The following NDUFA12 variants were observed in gnomAD, a reference collection of about 807,000 sequenced individuals.
NDUFA12 encodes the protein NADH:ubiquinone oxidoreductase subunit A12, also known as NADH dehydrogenase [ubiquinone] 1 alpha subcomplex subunit 12.
Under a neutral mutation model 20.3 loss-of-function variants are expected in NDUFA12, and 17 were observed. The observed-to-expected ratio is 0.84, with a 90% CI of 0.57 to 1.26. The LOEUF (loss-of-function observed/expected upper bound fraction) is 1.26. Among genes scored for constraint, NDUFA12 ranks in the 50% most tolerant of loss-of-function variants. NDUFA12 has a pLI of 0.00. For synonymous variants in NDUFA12, 72 were observed against 63.6 expected (o/e 1.13, Z -0.63); for missense variants, 191 against 183.7 (o/e 1.04, Z -0.23).
At chr12:95,002,168 G>C in intron 2 of NDUFA12, among the ~76,000 whole-genome samples, 1 of 151,296 alleles carries the variant, frequency 6.6e-6, no homozygotes, top group South Asian at 2.1e-4. Context: ...AAGGCTGGAC[G>C]CAGTGGCTCA....
intron 3 of NDUFA12, among the ~76,000 whole-genome samples, chr12:94,987,084 G>A (rs372755512): frequency 3.3e-5 from 5 of 151,980 alleles, no homozygotes; most frequent in East Asian, 1.9e-4. Flanking sequence ...GGAGAAAACC[G>A]GCAGACCCCT....
intron 3 of NDUFA12, among the ~76,000 whole-genome samples, chr12:94,992,000 AT>A (rs1874662857): frequency 6.6e-6 from 1 of 152,180 alleles, no homozygotes; most frequent in Non-Finnish European, 1.5e-5. Context: ...ATACACTGAG[AT>A]TATCCCACTT....
intron 3 of NDUFA12, among the ~76,000 whole-genome samples, chr12:94,982,890 T>C (rs1389105181): frequency 6.6e-6 from 1 of 152,194 alleles, no homozygotes; most frequent in African/African-American, 2.4e-5. Flanking sequence ...GGCATTTAAC[T>C]GAAGGTCATA....
intron 3 of NDUFA12, among the ~76,000 whole-genome samples, chr12:94,987,663 T>C (rs983176703): frequency 1.3e-5 from 2 of 151,842 alleles, no homozygotes; most frequent in Non-Finnish European, 2.9e-5. Context: ...TCGCCAGGTG[T>C]AGTGGCACAT....
intron 3 of NDUFA12, among the ~76,000 whole-genome samples, chr12:94,983,406 AG>A (rs1565814815): frequency 6.6e-6 from 1 of 152,210 alleles, no homozygotes; most frequent in Non-Finnish European, 1.5e-5. Context: ...GGTCTGGGGA[AG>A]CCAGACGCCA....
At chr12:94,984,727 CAACAAAAAA>C (rs1874356387) in intron 3 of NDUFA12, among the ~76,000 whole-genome samples, 1 of 110,664 alleles carries the variant, frequency 9.0e-6, no homozygotes, top group Non-Finnish European at 1.7e-5. Context: ...AAAAAAAAAA[CAACAAAAAA>C]CCCATATATA....
chr12:94,974,127 A>G lies in NDUFA12; in HGVS notation c.258-2507T>C, dbSNP rs577708156. ...GCTGGGATTACAGGCGCATGCCATC[A>G]TGCCGGGCTAATTTTTTTATTTTTA... is the stretch of plus-strand genomic sequence containing the variant. On this transcript the variant is annotated intron_variant, in intron 3 of 3. Transcript: ENST00000327772. 1.0e-3 allele frequency among the ~76,000 whole-genome samples: 155 copies of G among 152,074 alleles called. 2 individuals carry two copies. Among genetic ancestry groups the G allele is most frequent in the African/African-American group, 2.7e-3 (112 of 41,474 alleles).
At chr12:94,982,215 C>CAGTT (rs1874264796) in intron 3 of NDUFA12, among the ~76,000 whole-genome samples, 1 of 151,998 alleles carries the variant, frequency 6.6e-6, no homozygotes, top group South Asian at 2.1e-4. Context: ...GGAGTCTGTG[C>CAGTT]AGTTGTTCAT....
At chr12:94,979,552 G>A (rs1026922067) in intron 3 of NDUFA12, among the ~76,000 whole-genome samples, 4 of 151,930 alleles carry the variant, frequency 2.6e-5, no homozygotes, top group Admixed American at 2.0e-4. Context: ...AAAAAGGGAC[G>A]GGGTGAGGTG....
chr12:95,000,879 C>T (rs1358092506), intron 2 of NDUFA12, among the ~76,000 whole-genome samples: 2 of 152,094 alleles, frequency 1.3e-5, no homozygotes, highest in Non-Finnish European at 2.9e-5. Context: ...CAACGTATTC[C>T]AAAACACGTA....
At chr12:94,997,567 T>C (rs1874877982) in intron 2 of NDUFA12, 1 of 152,138 alleles carries the variant, frequency 6.6e-6, no homozygotes, top group African/African-American at 2.4e-5. Context: ...CAAATGCACA[T>C]GGGAGAAAAT....
At chr12:94,993,624 CAAAAAAAAAAAAA>C (rs61481976) in intron 3 of NDUFA12, among the ~76,000 whole-genome samples, 1 of 11,354 alleles carries the variant, frequency 8.8e-5, no homozygotes, top group African/African-American at 3.6e-4. Context: ...GACTCTGTCT[CAAAAAAAAAAAAA>C]AAAAAAAAAA....
In NDUFA12 at chr12:94,984,736, A is replaced by AAAAAAAAAAAAAAAAAC. The variant is rs36013656; in HGVS notation, c.257+9433_257+9434insGTTTTTTTTTTTTTTTT. 1.1e-4 allele frequency among the ~76,000 whole-genome samples: 8 copies of AAAAAAAAAAAAAAAAAC among 74,162 alleles called. 3 individuals carry two copies. Among genetic ancestry groups the AAAAAAAAAAAAAAAAAC allele is most frequent in the Non-Finnish European group, 1.7e-4 (7 of 41,762 alleles). 48.7% of individuals were successfully genotyped at this position (74,162 alleles called of 152,430 possible). A position where few individuals can be genotyped will look rare whatever the true frequency, so the allele number is the denominator to read the frequency against. ...AGCCAAAAAAAAAAAACAACAAAAAACCCATATATATATAATATATATATA... is the reference window on the plus strand; with the variant it reads ...AGCCAAAAAAAAAAAACAACAAAAAAAAAAAAAAAAAAAAAACCCCATATATATATAATATATATATA... On this transcript the variant is annotated intron_variant, in intron 3 of 3. Transcript: ENST00000327772.
chr12:94,993,849 G>A (rs996658438), intron 3 of NDUFA12, among the ~76,000 whole-genome samples: 4 of 151,960 alleles, frequency 2.6e-5, no homozygotes, highest in African/African-American at 9.7e-5. Flanking sequence ...CAGGAGAATC[G>A]CTTGAACCTA....
intron 3 of NDUFA12, among the ~76,000 whole-genome samples, chr12:94,976,561 T>C (rs566310729): frequency 6.6e-6 from 1 of 152,366 alleles, no homozygotes; most frequent in South Asian, 2.1e-4. Flanking sequence ...TTCATTCATG[T>C]GGATTCAACA....
chr12:94,985,628 A>G (rs1192676664), intron 3 of NDUFA12, among the ~76,000 whole-genome samples: 2 of 147,768 alleles, frequency 1.4e-5, no homozygotes. Context: ...CTCCATCTCA[A>G]AAAAAAAAAA....
intron 2 of NDUFA12, among the ~76,000 whole-genome samples, chr12:94,998,833 A>G (rs1874924269): frequency 6.6e-6 from 1 of 152,222 alleles, no homozygotes; most frequent in African/African-American, 2.4e-5. Flanking sequence ...GAAATCATAG[A>G]TGACACAAAC....
chr12:94,972,982 G>C (rs867521286), intron 3 of NDUFA12, among the ~76,000 whole-genome samples: 27 of 151,632 alleles, frequency 1.8e-4, no homozygotes, highest in African/African-American at 5.8e-4. Context: ...ACCTTATTGG[G>C]GGAAAAGAAA....
In NDUFA12 at chr12:94,988,893, C is replaced by T. The variant is rs138984728; in HGVS notation, c.257+5277G>A. Among the ~76,000 whole-genome samples, 23 of 152,262 alleles carry T rather than the reference C, an allele frequency of 1.5e-4. No homozygotes were observed. In the East Asian group the frequency reaches 3.7e-3, roughly 24 times the overall value. On this transcript the variant is annotated intron_variant, in intron 3 of 3. Coordinates refer to ENST00000327772, the MANE Select transcript of NDUFA12 (RefSeq NM_018838.5). The stretch of plus-strand genomic sequence containing the variant: ...GCTGATGCACTCTCAGGGTTCGAGC[C>T]GATACAAGAACCTTTCATCTTACAA...
Sources: allele counts gnomAD v4.1 joint callset (sites outside exome capture counted in the v4.1 genomes callset), GRCh38; gene constraint gnomAD v4.1.1; transcripts MANE v1.5; gene names NCBI Gene and HGNC (gene_info 2026-07-23, HGNC 2026-07-21).